The following KIF15 variants were observed in gnomAD, a reference collection of about 807,000 sequenced individuals.
KIF15 encodes kinesin family member 15.
KIF15 carries 140 observed loss-of-function variants against 190.6 expected under a neutral mutation model. The ratio of observed to expected loss-of-function variants is 0.73; its 90% CI spans 0.64 to 0.84. The LOEUF (loss-of-function observed/expected upper bound fraction) is 0.84. KIF15 is among the 40% of genes least tolerant of loss of function. KIF15 has a pLI of 0.00. For synonymous variants in KIF15, 528 were observed against 551.3 expected, an observed-to-expected ratio of 0.96 and a Z score of 0.59; for missense variants, 1,372 against 1,584.4, an observed-to-expected ratio of 0.87 and a Z score of 2.28.
chr3:44,848,773 A>G (rs553723838), intron 32 of KIF15, among the ~76,000 whole-genome samples: 4 of 152,326 alleles, frequency 2.6e-5, no homozygotes, highest in African/African-American at 9.6e-5. Flanking sequence ...AATAGCAGGA[A>G]AAGCCTAGCT....
At chr3:44,805,652 G>C (rs1707461238) in intron 15 of KIF15, among the ~76,000 whole-genome samples, 193 bp from the exon 16 acceptor site, 1 of 152,116 alleles carries the variant, frequency 6.6e-6, no homozygotes, top group Non-Finnish European at 1.5e-5. Flanking sequence ...CCATTTACTA[G>C]TTGAATCCCT....
rs147778049 is a variant in KIF15 at position 44,807,472 on chromosome 3, G to A, written c.1971+1486G>A. Among the ~76,000 whole-genome samples, 6 of 152,142 alleles carry A rather than the reference G, an allele frequency of 3.9e-5. No individual in the cohort carries two copies. In the East Asian group the frequency reaches 9.7e-4, roughly 25 times the overall value. On this transcript the variant is annotated intron_variant, in intron 16 of 34. Transcript: ENST00000326047. ...ACTCCTGACCTCAGGTGATCCGCCC[G>A]TCTCGCCTCCCAAAGTGCTGGGATT...
intron 26 of KIF15, among the ~76,000 whole-genome samples, chr3:44,834,950 A>C (rs951735333): frequency 4.0e-5 from 6 of 149,892 alleles, no homozygotes; most frequent in African/African-American, 1.5e-4. Flanking sequence ...AATAATAAAG[A>C]ATAGCTTTAT....
chr3:44,805,197 C>T (rs1259805712), intron 15 of KIF15, 29 bp downstream of exon 15: 7 of 1,576,716 alleles, frequency 4.4e-6, no homozygotes, highest in African/African-American at 1.4e-5. Context: ...TGCATGCACA[C>T]TTATTTTCTT....
chr3:44,778,235 T>C, intron 4 of KIF15, 44 bp downstream of exon 4: 2 of 1,411,584 alleles, frequency 1.4e-6, no homozygotes, highest in Non-Finnish European at 2.0e-6. Context: ...ATGCTTGAAT[T>C]ATTTTCCTGT....
At chr3:44,770,851 G>A (rs1705610531) in intron 1 of KIF15, among the ~76,000 whole-genome samples, 1 of 152,160 alleles carries the variant, frequency 6.6e-6, no homozygotes, top group South Asian at 2.1e-4. Flanking sequence ...TTCAAAATAA[G>A]TTTCCTTCAC....
chr3:44,794,771 C>T (rs1706891181), intron 8 of KIF15, among the ~76,000 whole-genome samples: 1 of 151,972 alleles, frequency 6.6e-6, no homozygotes, highest in South Asian at 2.1e-4. Context: ...ACCATCCTGG[C>T]CAACGTGGTG....
intron 7 of KIF15, among the ~76,000 whole-genome samples, chr3:44,789,671 TATATATATATATATATATATAA>T (rs1245521886): frequency 2.3e-5 from 1 of 43,936 alleles, no homozygotes; most frequent in South Asian, 8.2e-4. Context: ...TATATATATA[TATATATATATATATATATATAA>T]AATAGATACA....
At chr3:44,788,529 A>C (rs986775288) in intron 7 of KIF15, among the ~76,000 whole-genome samples, 1 of 151,450 alleles carries the variant, frequency 6.6e-6, no homozygotes, top group South Asian at 2.1e-4. Context: ...ATCATGGTTC[A>C]CTGCAGCCTT....
At chr3:44,789,487 G>A (rs1348094576) in intron 7 of KIF15, among the ~76,000 whole-genome samples, 1 of 151,310 alleles carries the variant, frequency 6.6e-6, no homozygotes, top group Non-Finnish European at 1.5e-5. Context: ...TCTTAAGTGT[G>A]TCATGTGTGC....
intron 30 of KIF15, among the ~76,000 whole-genome samples, chr3:44,846,988 A>G (rs73829687): frequency 1.8e-3 from 281 of 152,308 alleles, no homozygotes; most frequent in African/African-American, 6.3e-3. Context: ...TTGCACTACA[A>G]TAGCTAAGTT....
At chr3:44,788,810 T>G (rs1238282160) in intron 7 of KIF15, among the ~76,000 whole-genome samples, 5 of 152,228 alleles carry the variant, frequency 3.3e-5, no homozygotes, top group African/African-American at 4.8e-5. Flanking sequence ...GTGCCTGGGA[T>G]GACTTATTCT....
intron 7 of KIF15, among the ~76,000 whole-genome samples, chr3:44,788,910 CA>C (rs1173525859): frequency 6.6e-6 from 1 of 152,124 alleles, no homozygotes; most frequent in Non-Finnish European, 1.5e-5. Context: ...GCCATGCAGC[CA>C]TGTTATTTCT....
chr3:44,791,772 C>T (rs1375510198), intron 7 of KIF15, among the ~76,000 whole-genome samples: 1 of 152,118 alleles, frequency 6.6e-6, no homozygotes, highest in Non-Finnish European at 1.5e-5. Context: ...GGCTGGAGTG[C>T]AATGGCATGA....
At chr3:44,801,605 G>T in intron 12 of KIF15, 79 bp downstream of exon 12, 1 of 1,023,368 alleles carries the variant, frequency 9.8e-7, no homozygotes, top group Non-Finnish European at 1.5e-6. Context: ...CTTACTAAGT[G>T]AAATAAATAA....
rs1192378277 is a variant in KIF15, at chr3:44,815,003, A to G, written c.2476A>G (p.Thr826Ala). The G allele has an allele frequency of 4.3e-6, 7 of 1,613,066 alleles. No individual in the cohort carries two copies. Among genetic ancestry groups the G allele is most frequent in the Non-Finnish European group, 8.5e-7 (1 of 1,179,656 alleles). The change falls in exon 20 of 35, where the codon ACG becomes GCG. Residue 826 changes from threonine (T) to alanine (A), a missense_variant. Coordinates refer to ENST00000326047, the MANE Select transcript of KIF15 (RefSeq NM_020242.3). ...SVKLEYSSFK[T>A]NQEKEFNKLS... ...GAAATTGGAATATAGTTCATTCAAAACGAATCAGGAGAAAGAATTCAACAA... is the reference window on the plus strand; with the variant it reads ...GAAATTGGAATATAGTTCATTCAAAGCGAATCAGGAGAAAGAATTCAACAA...
At chr3:44,855,488 GTCT>G (rs1327697330), downstream of KIF15, among the ~76,000 whole-genome samples, 1 of 152,168 alleles carries the variant, frequency 6.6e-6, no homozygotes. Flanking sequence ...TGACGTTCCT[GTCT>G]TCTTATATTA....
chr3:44,775,079 A>T (rs535457856), intron 2 of KIF15, among the ~76,000 whole-genome samples, 175 bp from the exon 3 acceptor site: 1 of 151,884 alleles, frequency 6.6e-6, no homozygotes, highest in Non-Finnish European at 1.5e-5. Flanking sequence ...CAGCCTGGGC[A>T]ACAAGAATGA....
intron 5 of KIF15, among the ~76,000 whole-genome samples, chr3:44,783,640 T>C (rs191970105): frequency 2.8e-4 from 42 of 152,346 alleles, no homozygotes; most frequent in Admixed American, 5.2e-4. Context: ...CTACATGTTC[T>C]AATATTCATT....
Sources: allele counts gnomAD v4.1 joint callset (sites outside exome capture counted in the v4.1 genomes callset), GRCh38; gene constraint gnomAD v4.1.1; transcripts MANE v1.5; gene names NCBI Gene and HGNC (gene_info 2026-07-23, HGNC 2026-07-21).